DOCK10: variants seen among roughly 807,000 people sequenced by gnomAD.
The protein encoded by DOCK10 is dedicator of cytokinesis protein 10.
DOCK10 carries 145 observed loss-of-function variants against 280.1 expected under a neutral mutation model. The ratio of observed to expected loss-of-function variants is 0.52; its 90% confidence interval spans 0.45 to 0.59. The LOEUF is 0.59. Among genes scored for constraint, DOCK10 ranks in the 20% least tolerant of loss-of-function variants. DOCK10 has a pLI of 0.00. For missense variants in DOCK10, 2,368 were observed against 2,651.7 expected (o/e 0.89, Z 2.35); for synonymous variants, 915 against 942.2 (o/e 0.97, Z 0.53).
At chr2:224,979,730 T>C (rs1323705186) in intron 1 of DOCK10, among the ~76,000 whole-genome samples, 1 of 152,260 alleles carries the variant, frequency 6.6e-6, no homozygotes, top group Admixed American at 6.5e-5. Flanking sequence ...ATGTCCCTGA[T>C]CACATCCCTA....
intron 50 of DOCK10, among the ~76,000 whole-genome samples, chr2:224,782,000 G>A (rs1244756067): frequency 2.0e-5 from 3 of 152,126 alleles, no homozygotes; most frequent in African/African-American, 7.2e-5. Context: ...GTATACAAAA[G>A]ACAGGCCAGA....
At chr2:224,961,323 C>G (rs914718747) in intron 1 of DOCK10, among the ~76,000 whole-genome samples, 2 of 152,182 alleles carry the variant, frequency 1.3e-5, no homozygotes, top group African/African-American at 4.8e-5. Context: ...GCTCCAATTC[C>G]CATTGTGCAA....
intron 1 of DOCK10, among the ~76,000 whole-genome samples, chr2:224,972,239 A>G (rs550338488): frequency 1.3e-5 from 2 of 152,206 alleles, no homozygotes; most frequent in Admixed American, 6.5e-5. Flanking sequence ...ACTTCCTCCA[A>G]TTATTCATAA....
chr2:225,002,526 T>C (rs1706466826), intron 1 of DOCK10, among the ~76,000 whole-genome samples: 1 of 152,200 alleles, frequency 6.6e-6, no homozygotes, highest in Admixed American at 6.5e-5. Flanking sequence ...CCTCAGTAGT[T>C]GAGATTTAGT....
At chr2:225,032,177 C>T (rs913685599) in intron 1 of DOCK10, among the ~76,000 whole-genome samples, 6 of 152,072 alleles carry the variant, frequency 3.9e-5, no homozygotes, top group Admixed American at 3.3e-4. Context: ...CTAAAGCATT[C>T]TTGAAGGTCT....
Position 224,805,678 on chromosome 2 carries a change from T to C in DOCK10, c.3815-149A>G. 1.0e-6 allele frequency: 1 copy of C among 1,004,784 alleles called. No homozygotes were observed. Among genetic ancestry groups the C allele is most frequent in the Non-Finnish European group, 1.4e-6 (1 of 703,882 alleles). 62.2% of individuals were successfully genotyped at this position (1,004,784 alleles called of 1,614,324 possible). The stretch of plus-strand genomic sequence containing the variant: ...ACATAACAGCGTCTGGGATTGGCAT[T>C]AAAGCCAGCTCTTGTTTTAAAAATG... On this transcript the variant is annotated intron_variant, in intron 34 of 55. Coordinates refer to ENST00000258390, the MANE Select transcript of DOCK10 (RefSeq NM_014689.3). This position sits in a 1 kb window ranked among gnomAD's most constrained non-coding sequence, Gnocchi z 4.3.
At chr2:224,976,376 A>G (rs937060591) in intron 1 of DOCK10, among the ~76,000 whole-genome samples, 3 of 152,210 alleles carry the variant, frequency 2.0e-5, no homozygotes, top group Non-Finnish European at 4.4e-5. Flanking sequence ...CGTTCTGCAC[A>G]TGCATCCCAG....
intron 1 of DOCK10, among the ~76,000 whole-genome samples, chr2:225,037,821 C>A (rs968881091): frequency 6.6e-6 from 1 of 152,162 alleles, no homozygotes; most frequent in Non-Finnish European, 1.5e-5. Context: ...ATTCTTTCAG[C>A]CTTTGATCCT....
chr2:225,014,337 G>C (rs2106078158), intron 1 of DOCK10, among the ~76,000 whole-genome samples: 1 of 151,966 alleles, frequency 6.6e-6, no homozygotes, highest in East Asian at 1.9e-4. Context: ...TCTGTGTTGA[G>C]AGAAAGCTTA....
At chr2:224,823,119 C>T (rs13430865) in intron 28 of DOCK10, among the ~76,000 whole-genome samples, 25,671 of 151,092 alleles carry the variant, frequency 0.17, 3,209 homozygotes, top group African/African-American at 0.36. Flanking sequence ...TCCCAAATAG[C>T]TAGGACTACA....
At chr2:224,912,223 C>T (rs1701057065) in intron 3 of DOCK10, among the ~76,000 whole-genome samples, 1 of 151,658 alleles carries the variant, frequency 6.6e-6, no homozygotes, top group South Asian at 2.1e-4. Context: ...GCAACCTCCG[C>T]CTTCTAGGTT....
intron 1 of DOCK10, among the ~76,000 whole-genome samples, chr2:224,993,890 G>T (rs1264493692): frequency 6.6e-6 from 1 of 152,098 alleles, no homozygotes; most frequent in Non-Finnish European, 1.5e-5. Context: ...GTACTCTTGG[G>T]TCTTTAAGAA....
chr2:224,807,470 G>A (rs1559455369), intron 33 of DOCK10, 198 bp downstream of exon 33: 1 of 456,224 alleles, frequency 2.2e-6, no homozygotes, highest in Non-Finnish European at 3.9e-6. Context: ...AAAGCAAAAT[G>A]CTGAAGGGTG....
intron 1 of DOCK10, among the ~76,000 whole-genome samples, chr2:224,967,730 GT>G (rs1401628457): frequency 6.7e-6 from 1 of 149,590 alleles, no homozygotes; most frequent in Admixed American, 6.6e-5. Context: ...AATCCATATT[GT>G]AAAAAAAAAA....
At position 225,027,098 on chromosome 2, in the gene DOCK10, G is replaced by A. The variant is rs117758702; in HGVS notation, c.123+15154C>T. ...CAGTACACAGTACTAGGGAATATAT[G>A]GAGAAAGAAGTACAGAGCCTTGTAG... is the stretch of plus-strand genomic sequence containing the variant. On this transcript the variant is annotated intron_variant, in intron 1 of 55. Coordinates refer to ENST00000258390, the MANE Select transcript of DOCK10 (RefSeq NM_014689.3). Among the ~76,000 whole-genome samples the A allele has an allele frequency of 2.1e-3, 324 of 152,240 alleles. 11 individuals carry two copies. In the East Asian group the frequency reaches 0.057, roughly 27 times the overall value.
chr2:224,775,750 G>C (rs1464893146), intron 51 of DOCK10, among the ~76,000 whole-genome samples: 4 of 152,256 alleles, frequency 2.6e-5, no homozygotes, highest in African/African-American at 9.6e-5. Flanking sequence ...GCTGGGATTA[G>C]AGCCAAGGGC....
chr2:224,845,494 G>A, intron 20 of DOCK10, 25 bp downstream of exon 20: 1 of 1,601,562 alleles, frequency 6.2e-7, no homozygotes, highest in Non-Finnish European at 8.5e-7. Context: ...ATGTGACTCT[G>A]CCTCAGATTT....
In DOCK10 at chr2:224,921,101, AAAAAAAAAAAAATAT is replaced by A. The variant is rs1393061001; in HGVS notation, c.244-4332_244-4318del. ...AAAACACCGTCTCTATTAAAAAAAAAAAAAAAAAAAAATATATATATATATATATATATAATGTAT... is the reference window on the plus strand; with the variant it reads ...AAAACACCGTCTCTATTAAAAAAAAAATATATATATATATATATAATGTAT... On this transcript the variant is annotated intron_variant, in intron 2 of 55. Transcript: ENST00000258390. 5.2e-4 allele frequency among the ~76,000 whole-genome samples: 29 copies of A among 56,082 alleles called. 2 individuals are homozygous for A. The highest frequency in any genetic ancestry group is 2.1e-3 in the African/African-American group (28 of 13,388). 36.8% of individuals were successfully genotyped at this position (56,082 alleles called of 152,430 possible). A position where few individuals can be genotyped will look rare whatever the true frequency, so the allele number is the denominator to read the frequency against.
At chr2:224,908,117 G>A (rs1201598359) in intron 3 of DOCK10, among the ~76,000 whole-genome samples, 2 of 149,246 alleles carry the variant, frequency 1.3e-5, no homozygotes, top group Non-Finnish European at 3.0e-5. Flanking sequence ...GCCTCTTGCC[G>A]AACGTTCTGT....
Sources: gnomAD v4.1 joint callset for allele counts (sites outside exome capture counted in the v4.1 genomes callset) on GRCh38, gnomAD v4.1.1 for gene constraint, Gnocchi (gnomAD v3.1) non-coding constraint, MANE v1.5 for transcripts, NCBI Gene and HGNC (gene_info 2026-07-23, HGNC 2026-07-21) for gene names.